Variants in SPTLC3 observed in about 807,000 individuals in gnomAD.
The protein encoded by SPTLC3 is serine palmitoyltransferase long chain base subunit 3.
Under a neutral mutation model 59.3 loss-of-function variants are expected in SPTLC3, and 36 were observed. That is an observed-to-expected ratio of 0.61 (90% CI 0.47 to 0.80). The LOEUF is 0.80. SPTLC3 is among the 30% of genes least tolerant of loss of function. SPTLC3 has a pLI of 0.00. For missense variants in SPTLC3, 625 were observed against 685.1 expected (o/e 0.91, Z 0.98); for synonymous variants, 257 against 240.8 (o/e 1.07, Z -0.62).
At chr20:13,045,552 G>A (rs915047334) in intron 1 of SPTLC3, among the ~76,000 whole-genome samples, 5 of 152,084 alleles carry the variant, frequency 3.3e-5, no homozygotes, top group Non-Finnish European at 7.4e-5. Flanking sequence ...ATCTCTTAAG[G>A]AGACCAATAC....
At chr20:13,052,309 G>A (rs1987529103) in intron 2 of SPTLC3, among the ~76,000 whole-genome samples, 1 of 152,112 alleles carries the variant, frequency 6.6e-6, no homozygotes, top group Non-Finnish European at 1.5e-5. Context: ...AAGCCCTGAG[G>A]GACTGTGCCA....
At chr20:13,162,518 G>A (rs1369133744) in intron 11 of SPTLC3, among the ~76,000 whole-genome samples, 1 of 152,128 alleles carries the variant, frequency 6.6e-6, no homozygotes, top group African/African-American at 2.4e-5. Context: ...AAATGACCCT[G>A]ATGAACAGCC....
At chr20:13,073,793 TG>T in intron 3 of SPTLC3, 1 of 600,748 alleles carries the variant, frequency 1.7e-6, no homozygotes, top group South Asian at 1.5e-5. Context: ...GCACTGGTCC[TG>T]GAGCTGTGAT....
chr20:13,022,721 C>T (rs558460221), intron 1 of SPTLC3, among the ~76,000 whole-genome samples: 1 of 152,290 alleles, frequency 6.6e-6, no homozygotes, highest in Admixed American at 6.5e-5. Context: ...GCAAAGAATT[C>T]ATGAGCATGT....
At chr20:13,162,568 C>T (rs1029827925) in intron 11 of SPTLC3, among the ~76,000 whole-genome samples, 10 of 152,070 alleles carry the variant, frequency 6.6e-5, no homozygotes, top group African/African-American at 2.4e-4. Flanking sequence ...GGCTCATAGA[C>T]TAGAAATAAT....
intron 1 of SPTLC3, among the ~76,000 whole-genome samples, chr20:13,046,014 T>C (rs1024415776): frequency 5.9e-5 from 9 of 152,176 alleles, no homozygotes; most frequent in Non-Finnish European, 8.8e-5. Flanking sequence ...TTTTCTGTCT[T>C]TATGTACACC....
intron 10 of SPTLC3, among the ~76,000 whole-genome samples, chr20:13,159,419 T>C (rs1184764894): frequency 6.6e-6 from 1 of 152,188 alleles, no homozygotes; most frequent in Non-Finnish European, 1.5e-5. Context: ...TTCTTATCTC[T>C]GATTTGATGG....
intron 2 of SPTLC3, among the ~76,000 whole-genome samples, chr20:13,057,462 A>G (rs1298992865): frequency 2.0e-5 from 3 of 152,198 alleles, no homozygotes; most frequent in Non-Finnish European, 4.4e-5. Context: ...GACTTGTCTC[A>G]TACAGCCTTC....
At chr20:13,048,306 A>T (rs1987320689) in intron 1 of SPTLC3, among the ~76,000 whole-genome samples, 1 of 152,204 alleles carries the variant, frequency 6.6e-6, no homozygotes, top group African/African-American at 2.4e-5. Flanking sequence ...TGATGAAGGA[A>T]CACACACTGG....
chr20:13,044,026 C>T (rs1482565857), intron 1 of SPTLC3, among the ~76,000 whole-genome samples: 1 of 152,060 alleles, frequency 6.6e-6, no homozygotes, highest in Non-Finnish European at 1.5e-5. Context: ...CACTTGCTGT[C>T]TCCTTAGAGG....
At chr20:13,068,101 A>G (rs2122558249) in intron 2 of SPTLC3, among the ~76,000 whole-genome samples, 1 of 152,356 alleles carries the variant, frequency 6.6e-6, no homozygotes, top group South Asian at 2.1e-4. Context: ...CAACTTATCT[A>G]TAAAAGTTTG....
chr20:13,079,731 G>C, intron 4 of SPTLC3: 1 of 470,076 alleles, frequency 2.1e-6, no homozygotes, highest in Non-Finnish European at 4.4e-6. Context: ...ACCTGTGTTG[G>C]CCTCCCATCT....
chr20:13,076,776 G>A (rs984559566), intron 4 of SPTLC3, among the ~76,000 whole-genome samples: 5 of 152,048 alleles, frequency 3.3e-5, no homozygotes, highest in South Asian at 2.1e-4. Flanking sequence ...AGGTCCCACC[G>A]GGTACCTAGA....
At chr20:13,162,284 G>A (rs913628187) in intron 11 of SPTLC3, among the ~76,000 whole-genome samples, 11 of 152,276 alleles carry the variant, frequency 7.2e-5, no homozygotes, top group Admixed American at 7.2e-4. Context: ...TGGCAGGAGG[G>A]ACACACAGCA....
intron 4 of SPTLC3, among the ~76,000 whole-genome samples, chr20:13,083,098 G>A (rs1032449320): frequency 6.6e-6 from 1 of 152,188 alleles, no homozygotes; most frequent in Admixed American, 6.5e-5. Context: ...TGACACCTGT[G>A]TTTCTTCTCA....
At chr20:13,079,170 T>C (rs1190715230) in intron 4 of SPTLC3, among the ~76,000 whole-genome samples, 9 of 152,106 alleles carry the variant, frequency 5.9e-5, no homozygotes, top group Admixed American at 5.9e-4. Context: ...AGGGGAAAAT[T>C]CAGTATTGTA....
At chr20:13,096,920 A>C (rs1305858197) in intron 6 of SPTLC3, among the ~76,000 whole-genome samples, 3 of 152,130 alleles carry the variant, frequency 2.0e-5, no homozygotes, top group Non-Finnish European at 4.4e-5. Context: ...TCCTAGACAC[A>C]CTACTTTACC....
chr20:13,021,544 C>CA (rs1174911248), intron 1 of SPTLC3, among the ~76,000 whole-genome samples: 1 of 520 alleles, frequency 1.9e-3, no homozygotes, highest in African/African-American at 0.012. Flanking sequence ...ACCACAACAG[C>CA]CCCCCCACCA....
At chr20:13,097,549 AT>A (rs1989462652) in intron 6 of SPTLC3, among the ~76,000 whole-genome samples, 1 of 151,958 alleles carries the variant, frequency 6.6e-6, no homozygotes, top group Non-Finnish European at 1.5e-5. Flanking sequence ...GAATTTCTCT[AT>A]TCTCTGTTTT....
Sources: gnomAD v4.1 joint callset for allele counts (sites outside exome capture counted in the v4.1 genomes callset) on GRCh38, gnomAD v4.1.1 for gene constraint, MANE v1.5 for transcripts, NCBI Gene and HGNC (gene_info 2026-07-23, HGNC 2026-07-21) for gene names.